RANBP2: variants seen among roughly 807,000 people sequenced by gnomAD.
The protein encoded by RANBP2 is E3 SUMO-protein ligase RanBP2.
RANBP2 carries 57 observed loss-of-function variants against 303.6 expected under a neutral mutation model. The observed-to-expected ratio is 0.19, with a 90% CI of 0.15 to 0.23. The LOEUF (loss-of-function observed/expected upper bound fraction) is 0.23. RANBP2 is among the 10% of genes least tolerant of loss of function. The pLI is 1.00. For synonymous variants in RANBP2, 1,167 were observed against 1,301.5 expected (o/e 0.90, Z 2.23); for missense variants, 3,138 against 3,780.8 (o/e 0.83, Z 4.46).
At chr2:109,101,327 C>T in the RANBP2 span, among the ~76,000 whole-genome samples, 3 of 152,068 alleles carry the variant, frequency 2.0e-5, no homozygotes, top group African/African-American at 7.2e-5. Flanking sequence ...GAGATCAAGA[C>T]CATCCTGGCT....
the RANBP2 span, among the ~76,000 whole-genome samples, chr2:109,202,992 AG>A: frequency 6.6e-6 from 1 of 152,196 alleles, no homozygotes; most frequent in South Asian, 2.1e-4. Context: ...GTGCCTAACA[AG>A]GTAACACTTG....
the RANBP2 span, among the ~76,000 whole-genome samples, chr2:109,509,413 G>A: frequency 0.031 from 4,749 of 152,180 alleles, 227 homozygotes; most frequent in African/African-American, 0.11. Context: ...GAAGTCCAAG[G>A]TTGAAGTTGC....
chr2:109,699,702 G>C, the RANBP2 span, among the ~76,000 whole-genome samples: 2 of 152,146 alleles, frequency 1.3e-5, no homozygotes, highest in Non-Finnish European at 2.9e-5. Flanking sequence ...GGCAGAGGCC[G>C]AAGAAAATCC....
At chr2:109,424,069 C>G in the RANBP2 span, among the ~76,000 whole-genome samples, 1 of 152,190 alleles carries the variant, frequency 6.6e-6, no homozygotes, top group Non-Finnish European at 1.5e-5. Context: ...ACATCCCCAC[C>G]GGTACCGGCA....
the RANBP2 span, among the ~76,000 whole-genome samples, chr2:108,978,665 G>A: frequency 0.77 from 117,846 of 152,104 alleles, 47,188 homozygotes; most frequent in South Asian, 0.87. Flanking sequence ...AGAACCTGAG[G>A]TGCAGTGAAG....
the RANBP2 span, among the ~76,000 whole-genome samples, chr2:109,180,608 G>A: frequency 4.5e-4 from 69 of 152,278 alleles, no homozygotes; most frequent in Non-Finnish European, 8.5e-4. Flanking sequence ...TAGTAAATAA[G>A]TCTCACGAGA....
the RANBP2 span, among the ~76,000 whole-genome samples, chr2:109,439,513 G>A: frequency 1.3e-5 from 2 of 152,184 alleles, no homozygotes; most frequent in Non-Finnish European, 2.9e-5. Flanking sequence ...CCGATGGGTG[G>A]GAGGCATTTC....
the RANBP2 span, among the ~76,000 whole-genome samples, chr2:109,295,264 G>A: frequency 2.2e-4 from 34 of 152,326 alleles, no homozygotes; most frequent in African/African-American, 7.7e-4. Flanking sequence ...TTGGGCCTGC[G>A]GTGGCTCCAG....
At chr2:109,066,358 C>T in the RANBP2 span, among the ~76,000 whole-genome samples, 3 of 152,158 alleles carry the variant, frequency 2.0e-5, no homozygotes, top group Non-Finnish European at 1.5e-5. Context: ...CTGCCCACCT[C>T]GGCCTCCCAA....
At chr2:108,796,072 C>T in the RANBP2 span, among the ~76,000 whole-genome samples, 5 of 152,148 alleles carry the variant, frequency 3.3e-5, no homozygotes, top group East Asian at 7.7e-4. Flanking sequence ...TTTTTTGAGA[C>T]GGAGTCTCAC....
At chr2:109,181,049 G>A in the RANBP2 span, among the ~76,000 whole-genome samples, 2 of 152,122 alleles carry the variant, frequency 1.3e-5, no homozygotes. Context: ...TGGCCAGCCC[G>A]CTGTGCACAC....
At chr2:109,248,770 T>TC in the RANBP2 span, among the ~76,000 whole-genome samples, 1 of 151,176 alleles carries the variant, frequency 6.6e-6, no homozygotes, top group Admixed American at 6.6e-5. Flanking sequence ...CTCTCTCTCT[T>TC]TCTCTTCTTT....
At chr2:109,618,598 T>G in the RANBP2 span, 2 of 167,048 alleles carry the variant, frequency 1.2e-5, no homozygotes, top group African/African-American at 4.8e-5. Context: ...TAACTTTACA[T>G]TCCTCTTATT....
At chr2:109,518,495 C>A in the RANBP2 span, among the ~76,000 whole-genome samples, 1 of 152,228 alleles carries the variant, frequency 6.6e-6, no homozygotes, top group Non-Finnish European at 1.5e-5. Flanking sequence ...CCCAGCTCCA[C>A]AAATACCGCA....
chr2:109,224,450 A>G, the RANBP2 span, among the ~76,000 whole-genome samples: 3 of 152,338 alleles, frequency 2.0e-5, no homozygotes, highest in African/African-American at 7.2e-5. Flanking sequence ...GGTCATGTGC[A>G]TAGCAGCAGT....
the RANBP2 span, among the ~76,000 whole-genome samples, chr2:109,114,469 G>A: frequency 2.6e-5 from 4 of 151,980 alleles, no homozygotes; most frequent in South Asian, 2.1e-4. Flanking sequence ...CTGTGGGATC[G>A]GTGGTGATAT....
chr2:109,098,640 A>G, the RANBP2 span, among the ~76,000 whole-genome samples: 10 of 152,334 alleles, frequency 6.6e-5, no homozygotes, highest in Middle Eastern at 3.4e-3. Context: ...ATCCTATTTC[A>G]TGGAATGGAG....
At chr2:109,037,340 A>G in the RANBP2 span, among the ~76,000 whole-genome samples, 1 of 151,460 alleles carries the variant, frequency 6.6e-6, no homozygotes, top group Non-Finnish European at 1.5e-5. Context: ...AAAAAAAAAA[A>G]AAAAAGAACC....
At chr2:108,981,437 T>C in the RANBP2 span, among the ~76,000 whole-genome samples, 2 of 152,172 alleles carry the variant, frequency 1.3e-5, no homozygotes, top group Non-Finnish European at 2.9e-5. Flanking sequence ...GTGAGAAGAA[T>C]GGCTGGCCAG....
Sources: gnomAD v4.1 joint callset for allele counts (sites outside exome capture counted in the v4.1 genomes callset) on GRCh38, gnomAD v4.1.1 for gene constraint, MANE v1.5 for transcripts, NCBI Gene and HGNC (gene_info 2026-07-23, HGNC 2026-07-21) for gene names.